GRM7: variants seen among roughly 807,000 people sequenced by gnomAD.
The protein encoded by GRM7 is metabotropic glutamate receptor 7.
In GRM7, 35 loss-of-function variants were observed where a neutral mutation model predicts 84.5. The observed-to-expected ratio is 0.41, with a 90% CI of 0.32 to 0.55. The LOEUF is 0.55. Ranked by LOEUF, GRM7 falls within the 20% of genes least tolerant of loss-of-function variation. The pLI is 0.19. For synonymous variants in GRM7, 487 were observed against 455.1 expected (o/e 1.07, Z -0.89); for missense variants, 1,003 against 1,194.6 (o/e 0.84, Z 2.36).
chr3:7,141,230 T>G (rs1568075), intron 1 of GRM7, among the ~76,000 whole-genome samples: 61,085 of 151,588 alleles, frequency 0.4, 12,689 homozygotes, highest in Middle Eastern at 0.48. Flanking sequence ...CTATTACAAC[T>G]AAAAAGAATT....
At chr3:7,356,113 T>C (rs982296624) in intron 4 of GRM7, among the ~76,000 whole-genome samples, 1 of 152,090 alleles carries the variant, frequency 6.6e-6, no homozygotes, top group Non-Finnish European at 1.5e-5. Flanking sequence ...GATTTTATAC[T>C]GATTTATGGA....
At chr3:7,726,197 C>T (rs1702119666) in intron 9 of GRM7, among the ~76,000 whole-genome samples, 1 of 151,820 alleles carries the variant, frequency 6.6e-6, no homozygotes, top group East Asian at 2.0e-4. Context: ...GGAGAGTCAC[C>T]CCTTAGAGGC....
chr3:6,868,310 T>C (rs1695004832), intron 1 of GRM7, among the ~76,000 whole-genome samples: 1 of 152,174 alleles, frequency 6.6e-6, no homozygotes, highest in African/African-American at 2.4e-5. Flanking sequence ...CTTAAAGTAA[T>C]TGCAGATTTT....
chr3:7,330,147 C>T lies in GRM7; in HGVS notation c.1033+23495C>T, dbSNP rs529944459. ...CTCTCTAAATGAACCCAAAAGGTCTCGTAAAAGCACACTTCAGTCAGTTTG... is the reference window on the plus strand; with the variant it reads ...CTCTCTAAATGAACCCAAAAGGTCTTGTAAAAGCACACTTCAGTCAGTTTG... On this transcript the variant is annotated intron_variant, in intron 4 of 9. Transcript: ENST00000357716. Among the ~76,000 whole-genome samples the T allele has an allele frequency of 1.8e-3, 278 of 152,250 alleles. 1 individual carries two copies. Among genetic ancestry groups the T allele is most frequent in the Admixed American group, 4.4e-3 (67 of 15,284 alleles).
chr3:6,871,441 T>G (rs1182011106), intron 1 of GRM7, among the ~76,000 whole-genome samples: 1 of 151,864 alleles, frequency 6.6e-6, no homozygotes, highest in Admixed American at 6.6e-5. Flanking sequence ...AAGAAAAAAA[T>G]AAGGGGCTTA....
rs137871816 is a variant in GRM7, at chr3:7,078,849, G to A, written c.520-67603G>A. On this transcript the variant is annotated intron_variant, in intron 1 of 9. Coordinates refer to ENST00000357716, the MANE Select transcript of GRM7 (RefSeq NM_000844.4). Reference sequence around the variant, plus strand: ...TTTCTGAGTCCTTTTGGAACTCTGAGTTTGTTTTTTTTTTTTCATTTCTTT... The same window carrying A: ...TTTCTGAGTCCTTTTGGAACTCTGAATTTGTTTTTTTTTTTTCATTTCTTT... Among the ~76,000 whole-genome samples the A allele has an allele frequency of 1.2e-3, 164 of 134,618 alleles. 2 individuals carry two copies. The East Asian group carries it at 0.028, about 23-fold the overall frequency. The allele number at this position is 134,618 out of a possible 152,430, so 88.3% of individuals were successfully genotyped here.
At chr3:7,576,077 T>G (rs1694947859) in intron 7 of GRM7, among the ~76,000 whole-genome samples, 1 of 152,210 alleles carries the variant, frequency 6.6e-6, no homozygotes, top group South Asian at 2.1e-4. Flanking sequence ...TTTTTGTTGT[T>G]GTTATTGTTC....
At chr3:7,078,749 A>T (rs1047273847) in intron 1 of GRM7, among the ~76,000 whole-genome samples, 3 of 152,148 alleles carry the variant, frequency 2.0e-5, no homozygotes, top group Non-Finnish European at 4.4e-5. Flanking sequence ...CCATATTCTG[A>T]ATAATGAATG....
chr3:6,959,203 G>A (rs1365088226), intron 1 of GRM7, among the ~76,000 whole-genome samples: 2 of 152,186 alleles, frequency 1.3e-5, no homozygotes, highest in East Asian at 3.9e-4. Context: ...TACAGAGGAA[G>A]AAAGGAAAGC....
intron 1 of GRM7, among the ~76,000 whole-genome samples, chr3:6,925,830 A>G (rs1006617341): frequency 1.4e-4 from 21 of 152,172 alleles, no homozygotes; most frequent in Admixed American, 1.1e-3. Context: ...ACATACATAC[A>G]TTGGCACTTC....
At chr3:7,400,583 C>T (rs746436432) in intron 4 of GRM7, among the ~76,000 whole-genome samples, 2 of 152,162 alleles carry the variant, frequency 1.3e-5, no homozygotes, top group Non-Finnish European at 2.9e-5. Context: ...TGTAATTCTC[C>T]ACTCTCTCCA....
At chr3:6,875,399 A>C (rs986942731) in intron 1 of GRM7, among the ~76,000 whole-genome samples, 2 of 152,262 alleles carry the variant, frequency 1.3e-5, no homozygotes, top group East Asian at 1.9e-4. Flanking sequence ...GGTTTCCCCC[A>C]TACTGTTCTC....
chr3:7,311,324 C>A (rs1465014561), intron 4 of GRM7, among the ~76,000 whole-genome samples: 1 of 152,092 alleles, frequency 6.6e-6, no homozygotes. Flanking sequence ...AAAAGACAAA[C>A]TTCCCTCTTC....
At chr3:7,496,511 G>A (rs555892725) in intron 7 of GRM7, among the ~76,000 whole-genome samples, 49 of 152,138 alleles carry the variant, frequency 3.2e-4, no homozygotes, top group African/African-American at 1.1e-3. Flanking sequence ...GACTGAAGAG[G>A]CATTACATCT....
rs1694759857 is a variant in GRM7 at position 6,861,664 on chromosome 3, T to C, written c.276T>C (p.Asp92=). ...MLYALDQINS[D]PNLLPNVTLG... ...ACGCCCTGGACCAGATCAACAGTGA[T>C]CCCAACCTACTGCCCAACGTGACGC... The change falls in exon 1 of 10, where the codon GAT becomes GAC. Residue 92 remains aspartate, a synonymous_variant. Transcript: ENST00000357716. This position sits in a 1 kb window ranked among gnomAD's most constrained non-coding sequence, Gnocchi z 6.4. 1.2e-6 allele frequency: 2 copies of C among 1,614,018 alleles called. No homozygotes were observed. The highest frequency in any genetic ancestry group is 1.7e-6 in the Non-Finnish European group (2 of 1,179,988).
At chr3:7,325,384 G>A (rs1429373905) in intron 4 of GRM7, among the ~76,000 whole-genome samples, 1 of 152,164 alleles carries the variant, frequency 6.6e-6, no homozygotes, top group Non-Finnish European at 1.5e-5. Context: ...ATCACTTGCT[G>A]GGTGAACTTA....
chr3:6,930,784 G>A (rs1398385166), intron 1 of GRM7, among the ~76,000 whole-genome samples: 1 of 152,170 alleles, frequency 6.6e-6, no homozygotes, highest in Non-Finnish European at 1.5e-5. Context: ...AGCAGCAATA[G>A]GCACTTGCAG....
chr3:6,892,184 A>G (rs191573524), intron 1 of GRM7, among the ~76,000 whole-genome samples: 1 of 152,224 alleles, frequency 6.6e-6, no homozygotes, highest in East Asian at 1.9e-4. Flanking sequence ...AGACAGTCAG[A>G]TGACCTAGGA....
intron 1 of GRM7, among the ~76,000 whole-genome samples, chr3:6,909,944 G>C (rs192077370): frequency 5.1e-4 from 77 of 152,110 alleles, no homozygotes; most frequent in African/African-American, 1.5e-3. Context: ...GTCTAATTGA[G>C]AGCCTTTCTA....
Sources: gnomAD v4.1 joint callset for allele counts (sites outside exome capture counted in the v4.1 genomes callset) on GRCh38, gnomAD v4.1.1 for gene constraint, Gnocchi (gnomAD v3.1) non-coding constraint, MANE v1.5 for transcripts, NCBI Gene and HGNC (gene_info 2026-07-23, HGNC 2026-07-21) for gene names.